NAALADL2: variants seen among roughly 807,000 people sequenced by gnomAD.
NAALADL2 encodes inactive N-acetylated-alpha-linked acidic dipeptidase-like protein 2.
Under a neutral mutation model 87.2 loss-of-function variants are expected in NAALADL2, and 76 were observed. That is an observed-to-expected ratio of 0.87 (90% confidence interval 0.72 to 1.05). The LOEUF is 1.05. Among genes scored for constraint, NAALADL2 ranks in the 50% least tolerant of loss-of-function variants. The pLI is 0.00. For synonymous variants in NAALADL2, 354 were observed against 331.0 expected (o/e 1.07, Z -0.75); for missense variants, 1,089 against 945.8 (o/e 1.15, Z -1.99).
At chr3:174,858,061 A>G (rs1354131436), upstream of NAALADL2, among the ~76,000 whole-genome samples, 2 of 150,480 alleles carry the variant, frequency 1.3e-5, no homozygotes, top group East Asian at 1.9e-4. Flanking sequence ...TCATATACAT[A>G]TATATGTGTG....
At chr3:175,788,326 A>C (rs995590053) in intron 13 of NAALADL2, among the ~76,000 whole-genome samples, 1 of 152,074 alleles carries the variant, frequency 6.6e-6, no homozygotes, top group African/African-American at 2.4e-5. Context: ...TCCTGAGCTC[A>C]AACGATCCAC....
chr3:175,525,517 G>GT (rs1450470843), intron 9 of NAALADL2, among the ~76,000 whole-genome samples: 1 of 151,900 alleles, frequency 6.6e-6, no homozygotes, highest in East Asian at 1.9e-4. Context: ...AAACTAAAAA[G>GT]TTTTTTAGGC....
At chr3:175,255,259 A>T (rs1197735511) in intron 3 of NAALADL2, among the ~76,000 whole-genome samples, 1 of 152,244 alleles carries the variant, frequency 6.6e-6, no homozygotes, top group Admixed American at 6.5e-5. Context: ...TTCATGCCAG[A>T]AATATTTTCT....
At chr3:174,794,190 T>G (rs953748908) in intron 3 of NAALADL2, among the ~76,000 whole-genome samples, 1 of 152,124 alleles carries the variant, frequency 6.6e-6, no homozygotes, top group Non-Finnish European at 1.5e-5. Flanking sequence ...ATTTAGTGTT[T>G]AATAACAGGT....
intron 10 of NAALADL2, among the ~76,000 whole-genome samples, chr3:175,599,552 C>A (rs1722676822): frequency 6.6e-6 from 1 of 152,102 alleles, no homozygotes; most frequent in African/African-American, 2.4e-5. Flanking sequence ...GGACCTTGAG[C>A]CAAGTCCCCC....
intron 9 of NAALADL2, among the ~76,000 whole-genome samples, chr3:175,474,647 G>A (rs7349502): frequency 0.68 from 103,436 of 151,922 alleles, 37,261 homozygotes; most frequent in East Asian, 0.9. Flanking sequence ...CAAGATATAC[G>A]GCATCTCTGT....
At chr3:175,296,960 C>T (rs773931032) in intron 4 of NAALADL2, among the ~76,000 whole-genome samples, 4 of 152,080 alleles carry the variant, frequency 2.6e-5, no homozygotes, top group Non-Finnish European at 4.4e-5. Flanking sequence ...GGATATTTCC[C>T]CTATTAGGCT....
At chr3:174,975,528 C>G (rs934528000) in intron 1 of NAALADL2, among the ~76,000 whole-genome samples, 1 of 152,052 alleles carries the variant, frequency 6.6e-6, no homozygotes, top group Non-Finnish European at 1.5e-5. Context: ...TACTTTTGCA[C>G]CAACCTAAAA....
At chr3:174,711,019 A>T (rs1467418369) in intron 2 of NAALADL2, among the ~76,000 whole-genome samples, 3 of 152,098 alleles carry the variant, frequency 2.0e-5, no homozygotes, top group African/African-American at 7.2e-5. Flanking sequence ...AATTCTAGTG[A>T]TAGGGTGATT....
intron 5 of NAALADL2, among the ~76,000 whole-genome samples, chr3:175,334,199 C>T (rs1032527484): frequency 3.3e-5 from 5 of 151,874 alleles, no homozygotes; most frequent in African/African-American, 1.2e-4. Context: ...ACTATTGTTG[C>T]GTGTTTTAAG....
At chr3:174,905,705 G>C (rs1732877149) in intron 1 of NAALADL2, among the ~76,000 whole-genome samples, 1 of 152,002 alleles carries the variant, frequency 6.6e-6, no homozygotes, top group African/African-American at 2.4e-5. Flanking sequence ...TTGTGGGAGA[G>C]TATAAGAAGT....
At chr3:175,563,321 A>G (rs1452940774) in intron 9 of NAALADL2, among the ~76,000 whole-genome samples, 1 of 152,182 alleles carries the variant, frequency 6.6e-6, no homozygotes, top group Non-Finnish European at 1.5e-5. Context: ...ATGTCTGTAC[A>G]CACTTACTGA....
At chr3:174,887,219 T>C (rs1271944789) in intron 1 of NAALADL2, among the ~76,000 whole-genome samples, 1 of 152,200 alleles carries the variant, frequency 6.6e-6, no homozygotes, top group Admixed American at 6.6e-5. Context: ...TCTACAGCAC[T>C]GAACACTAAA....
intron 1 of NAALADL2, among the ~76,000 whole-genome samples, chr3:174,483,633 A>G (rs1458774576): frequency 2.6e-5 from 4 of 152,106 alleles, no homozygotes; most frequent in Non-Finnish European, 5.9e-5. Flanking sequence ...ATCAGAATGT[A>G]AAGTAACTTC....
chr3:175,298,642 A>G (rs542766074), intron 4 of NAALADL2, among the ~76,000 whole-genome samples: 4 of 152,216 alleles, frequency 2.6e-5, no homozygotes, highest in African/African-American at 9.6e-5. Context: ...TCTCAGCCCA[A>G]AATTGTTATT....
At chr3:175,718,194 GGT>G in intron 11 of NAALADL2, 2 of 1,034,868 alleles carry the variant, frequency 1.9e-6, no homozygotes, top group Non-Finnish European at 1.3e-6. Context: ...AAGGGCCTGT[GGT>G]TTTTTTTTTT....
intron 3 of NAALADL2, among the ~76,000 whole-genome samples, chr3:175,241,513 A>G (rs1340222191): frequency 6.6e-6 from 1 of 152,030 alleles, no homozygotes; most frequent in African/African-American, 2.4e-5. Flanking sequence ...GAGCCACTGT[A>G]CTCAGCCCTT....
chr3:174,488,644 T>G (rs1718004446), intron 1 of NAALADL2, among the ~76,000 whole-genome samples: 2 of 152,116 alleles, frequency 1.3e-5, no homozygotes, highest in South Asian at 4.1e-4. Context: ...GTTGACTGTT[T>G]TTTTTCACAA....
intron 9 of NAALADL2, among the ~76,000 whole-genome samples, chr3:175,539,112 G>A (rs56100104): frequency 0.091 from 13,804 of 152,236 alleles, 799 homozygotes; most frequent in Non-Finnish European, 0.13. Flanking sequence ...AGATCCCTAA[G>A]TGGGAACCTC....
Sources: allele counts gnomAD v4.1 joint callset (sites outside exome capture counted in the v4.1 genomes callset), GRCh38; gene constraint gnomAD v4.1.1; transcripts MANE v1.5; gene names NCBI Gene and HGNC (gene_info 2026-07-23, HGNC 2026-07-21).